FAM107B: variants seen among roughly 807,000 people sequenced by gnomAD.
The protein encoded by FAM107B is protein FAM107B.
FAM107B carries 21 observed loss-of-function variants against 31.5 expected under a neutral mutation model. The observed-to-expected ratio is 0.67, with a 90% CI of 0.47 to 0.96. The LOEUF is 0.96. Ranked by LOEUF, FAM107B falls within the 40% of genes least tolerant of loss-of-function variation. The probability of loss-of-function intolerance (pLI) is 0.00; values close to 1 mark genes in which losing one functional copy is unlikely to be tolerated. For missense variants in FAM107B, 452 were observed against 377.1 expected (o/e 1.20, Z -1.64); for synonymous variants, 157 against 141.5 (o/e 1.11, Z -0.78).
intron 1 of FAM107B, among the ~76,000 whole-genome samples, chr10:14,680,028 C>A (rs1295827304): frequency 6.6e-6 from 1 of 152,154 alleles, no homozygotes; most frequent in Non-Finnish European, 1.5e-5. Flanking sequence ...TGAGTCAATA[C>A]TCCTTAATAA....
intron 2 of FAM107B, among the ~76,000 whole-genome samples, chr10:14,551,901 G>A (rs1005748770): frequency 3.3e-5 from 5 of 152,094 alleles, no homozygotes; most frequent in African/African-American, 9.7e-5. Context: ...GGTGGCCTGT[G>A]ACACTAGCTT....
At chr10:14,761,011 CAAAAAAA>C (rs565835423) in intron 1 of FAM107B, among the ~76,000 whole-genome samples, 43 of 77,634 alleles carry the variant, frequency 5.5e-4, no homozygotes, top group East Asian at 1.2e-3. Context: ...GACTCCGTTT[CAAAAAAA>C]AAAAAAAAAA....
At chr10:14,729,805 T>G (rs376545461) in intron 1 of FAM107B, among the ~76,000 whole-genome samples, 2 of 152,292 alleles carry the variant, frequency 1.3e-5, no homozygotes, top group East Asian at 3.9e-4. Flanking sequence ...CCATCAATGA[T>G]AGACCGGATT....
At chr10:14,626,102 A>T (rs1258721007) in intron 2 of FAM107B, among the ~76,000 whole-genome samples, 1 of 152,138 alleles carries the variant, frequency 6.6e-6, no homozygotes, top group Non-Finnish European at 1.5e-5. Context: ...GAAGCTGGCA[A>T]AGCAGAGGAG....
intron 1 of FAM107B, among the ~76,000 whole-genome samples, chr10:14,767,554 G>A (rs1043504102): frequency 6.6e-6 from 1 of 151,850 alleles, no homozygotes; most frequent in African/African-American, 2.4e-5. Context: ...TTGACAGAAT[G>A]ACGGAAAGAA....
At chr10:14,571,478 G>A (rs1851220159) in intron 2 of FAM107B, among the ~76,000 whole-genome samples, 1 of 152,076 alleles carries the variant, frequency 6.6e-6, no homozygotes, top group African/African-American at 2.4e-5. Flanking sequence ...TTCTTAAAAA[G>A]CTAAGTAAAA....
At chr10:14,544,755 C>G (rs1241036735) in intron 2 of FAM107B, among the ~76,000 whole-genome samples, 1 of 152,116 alleles carries the variant, frequency 6.6e-6, no homozygotes. Flanking sequence ...AAATGGAAGC[C>G]ATTTAAATAT....
At chr10:14,602,200 C>T (rs1852421435) in intron 2 of FAM107B, among the ~76,000 whole-genome samples, 1 of 152,186 alleles carries the variant, frequency 6.6e-6, no homozygotes, top group Non-Finnish European at 1.5e-5. Flanking sequence ...GCAACACTCC[C>T]CTGAGCGTGT....
chr10:14,632,628 A>C (rs952721078), intron 2 of FAM107B, among the ~76,000 whole-genome samples: 2 of 148,146 alleles, frequency 1.4e-5, no homozygotes, highest in Non-Finnish European at 3.0e-5. Context: ...AAAAAAAAAA[A>C]GAGAATTCAG....
At chr10:14,661,656 G>A (rs1218402000) in intron 2 of FAM107B, 4 of 152,116 alleles carry the variant, frequency 2.6e-5, no homozygotes, top group Non-Finnish European at 4.4e-5. Flanking sequence ...AAAATCATGT[G>A]AGCCAATTCC....
At chr10:14,651,183 A>G (rs2131446761) in intron 2 of FAM107B, among the ~76,000 whole-genome samples, 1 of 152,360 alleles carries the variant, frequency 6.6e-6, no homozygotes, top group Admixed American at 6.5e-5. Flanking sequence ...AGCCCTATCT[A>G]TAAGGAGCCT....
At chr10:14,660,315 T>C (rs958465834) in intron 2 of FAM107B, among the ~76,000 whole-genome samples, 1 of 152,194 alleles carries the variant, frequency 6.6e-6, no homozygotes, top group Non-Finnish European at 1.5e-5. Context: ...ATGCATGGTT[T>C]AAGAGGAATG....
intron 1 of FAM107B, among the ~76,000 whole-genome samples, chr10:14,745,599 A>G (rs1170076799): frequency 6.6e-6 from 1 of 152,086 alleles, no homozygotes; most frequent in Non-Finnish European, 1.5e-5. Flanking sequence ...ATTTCCATGT[A>G]GTTGTGTGGT....
intron 2 of FAM107B, among the ~76,000 whole-genome samples, chr10:14,548,012 C>G (rs1848868085): frequency 6.6e-6 from 1 of 152,190 alleles, no homozygotes; most frequent in African/African-American, 2.4e-5. Context: ...TCTCTTCAGA[C>G]CACCTGGTGG....
chr10:14,725,473 T>C (rs535364114), intron 1 of FAM107B, among the ~76,000 whole-genome samples: 2 of 152,328 alleles, frequency 1.3e-5, no homozygotes, highest in Non-Finnish European at 2.9e-5. Context: ...AACAAACTTA[T>C]TTCTTAGAGT....
Position 14,527,013 on chromosome 10 carries a change from A to G in FAM107B, c.653+3319T>C, listed in dbSNP as rs545058270. Among the ~76,000 whole-genome samples the G allele has an allele frequency of 2.6e-5, 4 of 151,892 alleles. No homozygotes were observed. In the South Asian group the frequency reaches 8.3e-4, roughly 32 times the overall value. ...CCAACACGCCCAGCTAATTTTTTATATTTTTAGTAGAGATGGGGTTTCACC... is the reference window on the plus strand; with the variant it reads ...CCAACACGCCCAGCTAATTTTTTATGTTTTTAGTAGAGATGGGGTTTCACC... On this transcript the variant is annotated intron_variant, in intron 3 of 4. Transcript: ENST00000181796.
At chr10:14,599,966 A>G (rs918280357) in intron 2 of FAM107B, among the ~76,000 whole-genome samples, 10 of 152,204 alleles carry the variant, frequency 6.6e-5, no homozygotes, top group African/African-American at 2.2e-4. Context: ...TTAAAAACAA[A>G]AAGTCAGTCC....
intron 1 of FAM107B, among the ~76,000 whole-genome samples, chr10:14,689,253 ACC>A (rs1336030834): frequency 6.6e-6 from 1 of 151,862 alleles, no homozygotes; most frequent in Non-Finnish European, 1.5e-5. Context: ...GATAGTATGC[ACC>A]TGAAGTCCCA....
rs562944800 is a variant in FAM107B, at chr10:14,584,151, C to G, written c.470-53636G>C. Among the ~76,000 whole-genome samples the G allele has an allele frequency of 2.0e-5, 3 of 152,322 alleles. No homozygotes were observed. In the East Asian group the frequency reaches 5.8e-4, roughly 29 times the overall value. On this transcript the variant is annotated intron_variant, in intron 2 of 4. Coordinates refer to ENST00000181796, the MANE Select transcript of FAM107B (RefSeq NM_031453.4). ...TGATGCCCAGCCCTGAGGCTGCCAC[C>G]TAAATAAGCAGCAACACTCTGGGTC...
Sources: gnomAD v4.1 joint callset for allele counts (sites outside exome capture counted in the v4.1 genomes callset) on GRCh38, gnomAD v4.1.1 for gene constraint, MANE v1.5 for transcripts, NCBI Gene and HGNC (gene_info 2026-07-23, HGNC 2026-07-21) for gene names.